EVC: variants seen among roughly 807,000 people sequenced by gnomAD.
The protein encoded by EVC is evC complex member EVC.
EVC carries 116 observed loss-of-function variants against 118.9 expected under a neutral mutation model. The observed-to-expected ratio is 0.98, with a 90% CI of 0.84 to 1.14. The LOEUF (loss-of-function observed/expected upper bound fraction) is 1.14, where lower values mean the gene tolerates loss of function less well. EVC is among the 50% of genes most tolerant of loss of function. The probability of loss-of-function intolerance (pLI) is 0.00; values close to 1 mark genes in which losing one functional copy is unlikely to be tolerated. For missense variants in EVC, 1,401 were observed against 1,246.4 expected (o/e 1.12, Z -1.87); for synonymous variants, 619 against 534.7 (o/e 1.16, Z -2.18).
At chr4:5,827,726 TGC>T in the EVC span, among the ~76,000 whole-genome samples, 14 of 123,708 alleles carry the variant, frequency 1.1e-4, no homozygotes, top group South Asian at 2.4e-3. Flanking sequence ...TACACACATG[TGC>T]GCGTGCACAC....
rs1730894702 is a variant in EVC at position 5,754,658 on chromosome 4, G to A, written c.1464+725G>A. Among the ~76,000 whole-genome samples the A allele has an allele frequency of 6.6e-6, 1 of 152,068 alleles. No individual in the cohort carries two copies. Among genetic ancestry groups the A allele is most frequent in the African/African-American group, 2.4e-5 (1 of 41,416 alleles). ...CCGTCTTGCAGGCTGGTTAAGCATT[G>A]GGCGCTGAGGCCAGCCACACTTGGG... On this transcript the variant is annotated intron_variant, in intron 10 of 20. Transcript: ENST00000264956. This position sits in a 1 kb window ranked among gnomAD's most constrained non-coding sequence, Gnocchi z 5.8.
chr4:5,735,557 C>CT (rs1727527587), intron 5 of EVC, among the ~76,000 whole-genome samples: 1 of 152,202 alleles, frequency 6.6e-6, no homozygotes, highest in Non-Finnish European at 1.5e-5. Context: ...AGCTGTGTGG[C>CT]TGGCATGGTC....
rs1212823200 is a variant in EVC, at chr4:5,729,331, A to G, written c.325A>G (p.Asn109Asp). ...VDECEPPSNS[N>D]ITAFALKAKV... ...GGAATGTGAGCCGCCTTCCAACAGCAATATCACAGCATTCGCCCTGAAGGC... is the reference window on the plus strand; with the variant it reads ...GGAATGTGAGCCGCCTTCCAACAGCGATATCACAGCATTCGCCCTGAAGGC... Residue 109 changes from asparagine to aspartate, a missense_variant, in exon 3 of 21, where the codon AAT becomes GAT. Transcript: ENST00000264956. The G allele has an allele frequency of 1.2e-6, 2 of 1,614,010 alleles. No homozygotes were observed. Among genetic ancestry groups the G allele is most frequent in the East Asian group, 2.2e-5 (1 of 44,890 alleles).
At chr4:5,736,684 G>T (rs1727744955) in intron 5 of EVC, among the ~76,000 whole-genome samples, 1 of 152,154 alleles carries the variant, frequency 6.6e-6, no homozygotes, top group African/African-American at 2.4e-5. Context: ...TCTGTGATCA[G>T]TGACCTTTGA....
chr4:5,824,064 G>C, the EVC span, among the ~76,000 whole-genome samples: 2 of 152,168 alleles, frequency 1.3e-5, no homozygotes, highest in African/African-American at 4.8e-5. Flanking sequence ...GTGAGGAGGG[G>C]CCCTTCCAGG....
chr4:5,804,582 C>A, intron 16 of EVC, 148 bp from the exon 17 acceptor site: 1 of 717,558 alleles, frequency 1.4e-6, no homozygotes, highest in Non-Finnish European at 2.5e-6. Context: ...TGTTTGTGCA[C>A]ACAATGCCCT....
rs1169539647 is a variant in EVC, at chr4:5,809,610, AG to A, written c.2782+1del. ...TGTTGCCTGCTAAGCGTGGGCTGCTAGGTGAGTCACAGATGCTTGAGTTGCA... is the reference window on the plus strand; with the variant it reads ...TGTTGCCTGCTAAGCGTGGGCTGCTAGTGAGTCACAGATGCTTGAGTTGCA... ...KLLPAKRGLLEKPLRTKRKKP... is the reference protein window; with the variant it reads ...KLLPAKRGLLXKPLRTKRKKP... On this transcript the variant is annotated frameshift_variant and splice_region_variant, in exon 19 of 21. Coordinates refer to ENST00000264956, the MANE Select transcript of EVC (RefSeq NM_153717.3). LOFTEE classifies it high-confidence loss of function. The A allele has an allele frequency of 1.9e-6, 3 of 1,614,038 alleles. No homozygotes were observed. Among genetic ancestry groups the A allele is most frequent in the Admixed American group, 1.7e-5 (1 of 60,024 alleles).
At chr4:5,801,426 C>A (rs1011995978) in intron 15 of EVC, among the ~76,000 whole-genome samples, 4 of 152,110 alleles carry the variant, frequency 2.6e-5, no homozygotes, top group African/African-American at 7.2e-5. Context: ...TGCCTGTACT[C>A]CAAGTACTTT....
chr4:5,791,378 A>G (rs1383616025), intron 12 of EVC, among the ~76,000 whole-genome samples: 1 of 152,168 alleles, frequency 6.6e-6, no homozygotes, highest in Admixed American at 6.5e-5. Context: ...AGGGAGTGAG[A>G]GGGAAATAAG....
In EVC at chr4:5,742,158, T is replaced by A. The variant is rs568540352; in HGVS notation, c.801+344T>A. On this transcript the variant is annotated intron_variant, in intron 6 of 20. Transcript: ENST00000264956. This position sits in a 1 kb window ranked among gnomAD's most constrained non-coding sequence, Gnocchi z 5.2. ...ATACTACTTTGTATTCTATTCTCAG[T>A]CTTTTATGGAAAGTTTATTTTGTCT... Among the ~76,000 whole-genome samples, 1 of 152,320 alleles carries A rather than the reference T, an allele frequency of 6.6e-6. No homozygotes were observed. Among genetic ancestry groups the A allele is most frequent in the East Asian group, 1.9e-4 (1 of 5,184 alleles).
chr4:5,802,772 G>C (rs575767517), intron 16 of EVC, among the ~76,000 whole-genome samples: 12 of 152,180 alleles, frequency 7.9e-5, no homozygotes, highest in African/African-American at 2.9e-4. Flanking sequence ...TAATGTGAGC[G>C]ATGGGGAGCG....
At chr4:5,793,339 G>A (rs1264030666) in intron 12 of EVC, among the ~76,000 whole-genome samples, 5 of 152,102 alleles carry the variant, frequency 3.3e-5, no homozygotes, top group Non-Finnish European at 7.3e-5. Flanking sequence ...GAGAAAATTA[G>A]ATCCCTTCCT....
At chr4:5,747,108 A>C (rs1729473650) in intron 7 of EVC, among the ~76,000 whole-genome samples, 1 of 152,058 alleles carries the variant, frequency 6.6e-6, no homozygotes, top group South Asian at 2.1e-4. Context: ...TATGGGGTTT[A>C]CTGGGAGGCA....
chr4:5,825,783 C>G, the EVC span: 6 of 868,242 alleles, frequency 6.9e-6, no homozygotes, highest in Non-Finnish European at 1.1e-5. This position sits in a 1 kb window ranked among gnomAD's most constrained non-coding sequence, Gnocchi z 4.4. Flanking sequence ...CATGCACACA[C>G]ACACACAACA....
At chr4:5,725,273 C>T (rs1003780613) in intron 2 of EVC, among the ~76,000 whole-genome samples, 1 of 152,198 alleles carries the variant, frequency 6.6e-6, no homozygotes, top group African/African-American at 2.4e-5. Context: ...GGCATTTCTG[C>T]TTCTAGCTCT....
At position 5,733,410 on chromosome 4, in the gene EVC, C is replaced by A. The variant is rs201583621; in HGVS notation, c.677C>A (p.Thr226Lys). ...LHLKDLLHLDTALRQEKHMMF... is the reference protein window; with the variant it reads ...LHLKDLLHLDKALRQEKHMMF... The stretch of plus-strand genomic sequence containing the variant: ...TTAAAAGACCTGCTGCATTTGGACA[C>A]GGCACTGAGGCAGGAAAAGCATATG... Residue 226 changes from threonine to lysine, a missense_variant, in exon 5 of 21, where the codon ACG becomes AAG. Coordinates refer to ENST00000264956, the MANE Select transcript of EVC (RefSeq NM_153717.3). 6.2e-7 allele frequency: 1 copy of A among 1,613,884 alleles called. No individual in the cohort carries two copies. Among genetic ancestry groups the A allele is most frequent in the Non-Finnish European group, 8.5e-7 (1 of 1,179,928 alleles).
chr4:5,725,369 A>G (rs1332806515), intron 2 of EVC, among the ~76,000 whole-genome samples: 3 of 152,192 alleles, frequency 2.0e-5, no homozygotes, highest in African/African-American at 7.2e-5. Context: ...TTTTCTCCAC[A>G]GCCTCACCAG....
the EVC span, among the ~76,000 whole-genome samples, chr4:5,827,592 C>G: frequency 1.3e-5 from 2 of 152,084 alleles, no homozygotes; most frequent in Non-Finnish European, 2.9e-5. Context: ...ACACACAGAG[C>G]TCACCACATG....
chr4:5,799,028 G>C (rs935844198), intron 15 of EVC, among the ~76,000 whole-genome samples: 1 of 152,188 alleles, frequency 6.6e-6, no homozygotes, highest in African/African-American at 2.4e-5. Flanking sequence ...GCCCTGCGCT[G>C]CATCATCCTG....
Sources: allele counts gnomAD v4.1 joint callset (sites outside exome capture counted in the v4.1 genomes callset), GRCh38; gene constraint gnomAD v4.1.1; non-coding constraint Gnocchi (gnomAD v3.1); transcripts MANE v1.5; gene names NCBI Gene and HGNC (gene_info 2026-07-23, HGNC 2026-07-21).